TRPM3: variants seen among roughly 807,000 people sequenced by gnomAD.
TRPM3 encodes the protein long transient receptor potential channel 3.
TRPM3 carries 77 observed loss-of-function variants against 181.2 expected under a neutral mutation model. The observed-to-expected ratio is 0.42, with a 90% CI of 0.35 to 0.51. TRPM3 has a LOEUF of 0.51. Among genes scored for constraint, TRPM3 ranks in the 20% least tolerant of loss-of-function variants. The pLI is 0.01. For synonymous variants in TRPM3, 745 were observed against 796.4 expected (o/e 0.94, Z 1.09); for missense variants, 1,759 against 2,196.7 (o/e 0.80, Z 3.98).
chr9:71,275,045 T>C (rs1188391368), intron 1 of TRPM3, among the ~76,000 whole-genome samples: 1 of 146,680 alleles, frequency 6.8e-6, no homozygotes, highest in African/African-American at 2.5e-5. Flanking sequence ...TTAGATCTCC[T>C]AGCCAACATA....
At chr9:71,184,562 T>A (rs1312429652) in intron 1 of TRPM3, among the ~76,000 whole-genome samples, 1 of 152,160 alleles carries the variant, frequency 6.6e-6, no homozygotes, top group African/African-American at 2.4e-5. Flanking sequence ...GTCTCTATAA[T>A]GACACTATTG....
rs2057033635 is a variant in TRPM3 at position 70,635,534 on chromosome 9, C to G, written c.1582-273G>C. ...CTGGAGTGCAACGGCATAATCACAG[C>G]TCACTGCAGCCTCGAACTCTTGGGC... is the stretch of plus-strand genomic sequence containing the variant. On this transcript the variant is annotated intron_variant, in intron 11 of 25. Transcript: ENST00000677713. Among the ~76,000 whole-genome samples the G allele has an allele frequency of 2.0e-5, 3 of 146,394 alleles. No individual in the cohort carries two copies. The South Asian group carries it at 6.5e-4, about 32-fold the overall frequency.
At chr9:70,927,920 A>G (rs2096737229) in intron 1 of TRPM3, among the ~76,000 whole-genome samples, 1 of 152,138 alleles carries the variant, frequency 6.6e-6, no homozygotes, top group African/African-American at 2.4e-5. Context: ...CCTATAGGCA[A>G]TCTTTATTTT....
At chr9:71,126,347 A>AT (rs112530907), upstream of TRPM3, among the ~76,000 whole-genome samples, 150 of 152,164 alleles carry the variant, frequency 9.9e-4, no homozygotes, top group African/African-American at 3.4e-3. Flanking sequence ...GAGAACCACT[A>AT]TTTTTTTCAA....
chr9:71,091,438 GCCTA>G (rs977675335), intron 1 of TRPM3, among the ~76,000 whole-genome samples: 4 of 152,062 alleles, frequency 2.6e-5, no homozygotes, highest in Admixed American at 2.6e-4. Context: ...TCAGGGCACT[GCCTA>G]CCCCTTACAA....
rs142922189 is a variant in TRPM3 at position 70,536,805 on chromosome 9, A to G, written c.4308T>C (p.Leu1436=). The G allele has an allele frequency of 1.2e-4, 200 of 1,614,176 alleles. No homozygotes were observed. Among genetic ancestry groups the G allele is most frequent in the Middle Eastern group, 6.6e-4 (4 of 6,062 alleles). Residue 1436 remains leucine (L), a synonymous_variant, in exon 26 of 26, where the codon CTT becomes CTC. Coordinates refer to ENST00000677713, the MANE Select transcript of TRPM3 (RefSeq NM_001366145.2). The part of the protein sequence containing the change: ...IDPLDNSVNI[L]GLGEPSFSTP... ...TTGAAAAGCTTGGCTCGCCCAGCCC[A>G]AGGATGTTCACGGAATTGTCCAGAG... is the stretch of plus-strand genomic sequence containing the variant.
chr9:71,262,808 C>T lies in TRPM3; in HGVS notation c.183+183845G>A, dbSNP rs116893534. ...CCCTTGCACTTCCTGGGTGAGGCAA[C>T]GCCCCAGCCTGCTTCAGCTCACTCT... On this transcript the variant is annotated intron_variant, in intron 1 of 24. Transcript: ENST00000357533. 1.7e-3 allele frequency among the ~76,000 whole-genome samples: 266 copies of T among 152,260 alleles called. 9 individuals carry two copies. The East Asian group carries it at 0.048, about 27-fold the overall frequency.
chr9:70,986,455 T>C (rs942310686), intron 1 of TRPM3, among the ~76,000 whole-genome samples: 28 of 152,194 alleles, frequency 1.8e-4, no homozygotes, highest in African/African-American at 6.5e-4. Flanking sequence ...ATGTAATCAT[T>C]TCAAGAACAA....
At chr9:71,332,033 T>C (rs1405384264) in intron 1 of TRPM3, among the ~76,000 whole-genome samples, 2 of 150,276 alleles carry the variant, frequency 1.3e-5, no homozygotes, top group African/African-American at 4.9e-5. Context: ...ATTCATAAAA[T>C]AAACTTTCTG....
At chr9:71,331,010 C>T (rs2090070270) in intron 1 of TRPM3, among the ~76,000 whole-genome samples, 1 of 151,692 alleles carries the variant, frequency 6.6e-6, no homozygotes, top group Non-Finnish European at 1.5e-5. Context: ...GGGCAAGCTG[C>T]TAAGATTCTT....
chr9:70,864,862 T>C (rs748911191), intron 1 of TRPM3, among the ~76,000 whole-genome samples: 5 of 152,062 alleles, frequency 3.3e-5, no homozygotes, highest in South Asian at 2.1e-4. Flanking sequence ...TGTAACCTTA[T>C]AGAAAACAAG....
At chr9:71,380,917 G>GGATGACAAAATGAAGAC (rs1565516603) in intron 1 of TRPM3, among the ~76,000 whole-genome samples, 5 of 148,476 alleles carry the variant, frequency 3.4e-5, no homozygotes, top group Admixed American at 1.3e-4. Flanking sequence ...AGGGAGTAGG[G>GGATGACAAAATGAAGAC]GATGACAAAA....
intron 1 of TRPM3, among the ~76,000 whole-genome samples, chr9:71,184,883 TG>T (rs1381165238): frequency 1.3e-5 from 2 of 152,150 alleles, no homozygotes; most frequent in Non-Finnish European, 2.9e-5. Flanking sequence ...TAAAGATGTT[TG>T]TTTCACTCTT....
chr9:71,373,812 G>C (rs1209855059), intron 1 of TRPM3, among the ~76,000 whole-genome samples: 2 of 152,152 alleles, frequency 1.3e-5, no homozygotes, highest in Non-Finnish European at 2.9e-5. Context: ...AAACCTGGCA[G>C]AGATACAACA....
chr9:70,796,483 ATGT>A (rs2087060317), intron 6 of TRPM3, among the ~76,000 whole-genome samples: 1 of 152,198 alleles, frequency 6.6e-6, no homozygotes, highest in Non-Finnish European at 1.5e-5. Context: ...TTTGTTTTTG[ATGT>A]TGTCTCTGCG....
intron 1 of TRPM3, among the ~76,000 whole-genome samples, chr9:71,237,114 A>G (rs1305449950): frequency 7.0e-6 from 1 of 141,854 alleles, no homozygotes; most frequent in African/African-American, 2.7e-5. Context: ...AGGGGAAAGG[A>G]AAAGGAAAAG....
intron 8 of TRPM3, among the ~76,000 whole-genome samples, chr9:70,691,676 C>G (rs2068605854): frequency 6.6e-6 from 1 of 152,168 alleles, no homozygotes; most frequent in Admixed American, 6.5e-5. Context: ...AATTCAGAGG[C>G]TAGAGGTCTA....
intron 1 of TRPM3, among the ~76,000 whole-genome samples, chr9:71,092,384 C>T (rs531083742): frequency 6.6e-6 from 1 of 152,234 alleles, no homozygotes; most frequent in South Asian, 2.1e-4. Context: ...TATGAGGAGA[C>T]ATGAATTTAT....
chr9:70,669,516 G>A (rs945611136), intron 9 of TRPM3, among the ~76,000 whole-genome samples: 2 of 152,114 alleles, frequency 1.3e-5, no homozygotes, highest in African/African-American at 4.8e-5. Flanking sequence ...TAAAGAAGCT[G>A]AAGAAAGCTG....
Sources: gnomAD v4.1 joint callset for allele counts (sites outside exome capture counted in the v4.1 genomes callset) on GRCh38, gnomAD v4.1.1 for gene constraint, MANE v1.5 for transcripts, NCBI Gene and HGNC (gene_info 2026-07-23, HGNC 2026-07-21) for gene names.